Variants in ZNF346 observed in about 807,000 individuals in gnomAD.
ZNF346 encodes the protein zinc finger protein 346, also known as double-stranded RNA-binding zinc finger protein JAZ.
Under a neutral mutation model 33.7 loss-of-function variants are expected in ZNF346, and 23 were observed. The observed-to-expected ratio is 0.68, with a 90% confidence interval of 0.49 to 0.97. The LOEUF is 0.97. Among genes scored for constraint, ZNF346 ranks in the 50% least tolerant of loss-of-function variants. The probability of loss-of-function intolerance (pLI) is 0.00; values close to 1 mark genes in which losing one functional copy is unlikely to be tolerated. For missense variants in ZNF346, 340 were observed against 371.1 expected, an observed-to-expected ratio of 0.92 and a Z score of 0.69; for synonymous variants, 134 against 142.4, an observed-to-expected ratio of 0.94 and a Z score of 0.42.
chr5:177,046,806 A>T (rs993770253), intron 4 of ZNF346, among the ~76,000 whole-genome samples: 4 of 152,234 alleles, frequency 2.6e-5, no homozygotes, highest in African/African-American at 9.6e-5. Context: ...TGTGCATATA[A>T]ACATAGACTA....
chr5:177,029,411 T>A (rs1360560560), intron 1 of ZNF346, among the ~76,000 whole-genome samples: 1 of 152,172 alleles, frequency 6.6e-6, no homozygotes, highest in Non-Finnish European at 1.5e-5. Context: ...TTTGTATCCT[T>A]TAACATATCT....
intron 5 of ZNF346, chr5:177,053,103 G>T (rs561525234): frequency 1.3e-5 from 2 of 152,012 alleles, no homozygotes; most frequent in South Asian, 4.2e-4. Flanking sequence ...GGATCATAAG[G>T]TCAAGAGGGC....
chr5:177,058,927 G>T (rs1343897426), intron 5 of ZNF346, among the ~76,000 whole-genome samples: 1 of 152,194 alleles, frequency 6.6e-6, no homozygotes, highest in Non-Finnish European at 1.5e-5. Flanking sequence ...TAGAGACAGG[G>T]TTTCACCAGG....
intron 1 of ZNF346, among the ~76,000 whole-genome samples, chr5:177,027,503 TTGAACCCAGGAGGCTA>T: frequency 6.6e-6 from 1 of 150,916 alleles, no homozygotes; most frequent in African/African-American, 2.4e-5. Flanking sequence ...CGAGAATCGC[TTGAACCCAGGAGGCTA>T]AGGTTGCAGT....
intron 1 of ZNF346, among the ~76,000 whole-genome samples, chr5:177,025,574 A>G (rs897033830): frequency 6.6e-5 from 10 of 152,144 alleles, no homozygotes; most frequent in African/African-American, 2.4e-4. Context: ...TTTTTTGATT[A>G]TAGGCATTCT....
chr5:177,038,113 A>G (rs906496656), intron 1 of ZNF346, among the ~76,000 whole-genome samples: 10 of 149,406 alleles, frequency 6.7e-5, no homozygotes, highest in African/African-American at 2.5e-4. Context: ...TTCAGAGTCA[A>G]AGTCTTTCTC....
At chr5:177,038,111 C>T (rs1407159454) in intron 1 of ZNF346, among the ~76,000 whole-genome samples, 4 of 146,880 alleles carry the variant, frequency 2.7e-5, no homozygotes, top group African/African-American at 1.0e-4. Flanking sequence ...TTTTCAGAGT[C>T]AAAGTCTTTC....
chr5:177,079,961 A>T (rs1783913817), exon 9 of ZNF346: 1 of 152,328 alleles, frequency 6.6e-6, no homozygotes. Context: ...GGGGGGTGCT[A>T]CTGAGGCTGT....
At chr5:177,036,381 C>G (rs1468415958) in intron 1 of ZNF346, among the ~76,000 whole-genome samples, 2 of 152,238 alleles carry the variant, frequency 1.3e-5, no homozygotes, top group South Asian at 2.1e-4. Flanking sequence ...GCTTAGTGGT[C>G]AGATTAACTA....
At chr5:177,050,566 A>G in intron 4 of ZNF346, 185 bp from the exon 5 acceptor site, 1 of 632,194 alleles carries the variant, frequency 1.6e-6, no homozygotes, top group Non-Finnish European at 2.8e-6. Flanking sequence ...GAATGCATTC[A>G]CCTGTGTGAC....
At position 177,022,738 on chromosome 5, in the gene ZNF346, G is replaced by A. The variant is rs1266596339; in HGVS notation, c.-1G>A. On this transcript the variant is annotated 5_prime_UTR_variant, in exon 1 of 7. Coordinates refer to ENST00000358149, the MANE Select transcript of ZNF346 (RefSeq NM_012279.4). ...TCTACCGGTGAGGGTTTGCGGGGAA[G>A]ATGGAGTATCCCGCGCCGGCCACGG... is the stretch of plus-strand genomic sequence containing the variant. The A allele has an allele frequency of 3.2e-6, 5 of 1,551,562 alleles. No homozygotes were observed. Among genetic ancestry groups the A allele is most frequent in the Non-Finnish European group, 4.3e-6 (5 of 1,153,164 alleles).
chr5:177,024,567 A>G (rs1308812624), intron 1 of ZNF346, among the ~76,000 whole-genome samples: 1 of 152,032 alleles, frequency 6.6e-6, no homozygotes, highest in African/African-American at 2.4e-5. Flanking sequence ...CTTGACAAAC[A>G]CTCACTGATG....
chr5:177,022,917 A>G lies in ZNF346; in HGVS notation c.175+4A>G. 6.8e-7 allele frequency: 1 copy of G among 1,463,252 alleles called. No homozygotes were observed. 90.6% of individuals were successfully genotyped at this position (1,463,252 alleles called of 1,614,324 possible). A position where few individuals can be genotyped will look rare whatever the true frequency, so the allele number is the denominator to read the frequency against. Reference sequence around the variant, plus strand: ...CAGCCGGTGGGTAGAGAGGAAGGTGAGTCGGGGGCTTTGGAGGCAGAAAGC... The same window carrying G: ...CAGCCGGTGGGTAGAGAGGAAGGTGGGTCGGGGGCTTTGGAGGCAGAAAGC... On this transcript the variant is annotated splice_donor_region_variant and intron_variant, in intron 1 of 6. Coordinates refer to ENST00000358149, the MANE Select transcript of ZNF346 (RefSeq NM_012279.4).
intron 4 of ZNF346, among the ~76,000 whole-genome samples, chr5:177,046,258 A>C (rs111488755): frequency 6.7e-6 from 1 of 148,830 alleles, no homozygotes; most frequent in African/African-American, 2.5e-5. Flanking sequence ...CTGAGATCGC[A>C]CCATTGTACA....
intron 4 of ZNF346, 99 bp downstream of exon 4, chr5:177,044,632 G>A (rs928890565): frequency 6.2e-5 from 81 of 1,304,724 alleles, no homozygotes; most frequent in Non-Finnish European, 8.5e-5. Flanking sequence ...CCACAGACTT[G>A]AAGAAGTTGA....
In ZNF346 at chr5:177,050,862, G is replaced by C. The variant is rs1780763642; in HGVS notation, c.629G>C (p.Arg210Thr). ...AQQHYVGKKH[R>T]KQETKLKLMA... ...CAACATTATGTGGGCAAGAAACACA[G>C]AAAACAGGAGACCAAGCTCAAACTA... Residue 210 changes from arginine to threonine, a missense_variant, in exon 5 of 7, where the codon AGA (arginine) becomes ACA (threonine). Physicochemically the swap from Arg to Thr is moderately conservative, Grantham distance 71 (BLOSUM62 -1). Coordinates refer to ENST00000358149, the MANE Select transcript of ZNF346 (RefSeq NM_012279.4). The C allele has an allele frequency of 6.2e-7, 1 of 1,614,208 alleles. No individual in the cohort carries two copies. Among genetic ancestry groups the C allele is most frequent in the Non-Finnish European group, 8.5e-7 (1 of 1,180,044 alleles).
In ZNF346 at chr5:177,065,860, G is replaced by GTGTGGA. The variant is rs1250343884; in HGVS notation, c.*1265_*1266insGATGTG. ...TTTGCTTTGCATATTGTGTGTGGAT[G>GTGTGGA]TGTGTGTGTGTGTGTGTGTGTTTGT... On this transcript the variant is annotated 3_prime_UTR_variant, in exon 7 of 7. Coordinates refer to ENST00000358149, the MANE Select transcript of ZNF346 (RefSeq NM_012279.4). 1 of 147,962 alleles carries GTGTGGA rather than the reference G, an allele frequency of 6.8e-6. No individual in the cohort carries two copies. Among genetic ancestry groups the GTGTGGA allele is most frequent in the Non-Finnish European group, 1.5e-5 (1 of 66,884 alleles). The allele number at this position is 147,962 out of a possible 1,614,324, so 9.2% of individuals were successfully genotyped here.
rs1780752447 is a variant in ZNF346 at position 177,050,762 on chromosome 5, A to T, written c.529A>T (p.Asn177Tyr). The T allele has an allele frequency of 1.2e-6, 2 of 1,614,096 alleles. No individual in the cohort carries two copies. The highest frequency in any genetic ancestry group is 1.7e-6 in the Non-Finnish European group (2 of 1,180,052). ...GGCCTCCACCTTAGCCTTGCACCAGAATAGAGAGATGATAGACCCAGACAA... is the reference window on the plus strand; with the variant it reads ...GGCCTCCACCTTAGCCTTGCACCAGTATAGAGAGATGATAGACCCAGACAA... The part of the protein sequence containing the change: ...QSTKVEALHQ[N>Y]REMIDPDKFC... Residue 177 changes from asparagine to tyrosine, a missense_variant, in exon 5 of 7, where the codon AAT becomes TAT. By Grantham distance (143) the Asn-to-Tyr change is moderately radical (BLOSUM62 -2). Coordinates refer to ENST00000358149, the MANE Select transcript of ZNF346 (RefSeq NM_012279.4).
intron 5 of ZNF346, among the ~76,000 whole-genome samples, chr5:177,060,144 A>G (rs1289027287): frequency 6.6e-6 from 1 of 152,202 alleles, no homozygotes; most frequent in Non-Finnish European, 1.5e-5. Flanking sequence ...TTACGGGCGG[A>G]TCATCCTGGT....
Sources: allele counts gnomAD v4.1 joint callset (sites outside exome capture counted in the v4.1 genomes callset), GRCh38; gene constraint gnomAD v4.1.1; transcripts MANE v1.5; gene names NCBI Gene and HGNC (gene_info 2026-07-23, HGNC 2026-07-21).